The following BOC variants were observed in gnomAD, a reference collection of about 807,000 sequenced individuals.
The protein encoded by BOC is BOC cell adhesion associated, oncogene regulated.
BOC carries 76 observed loss-of-function variants against 112.0 expected under a neutral mutation model. The observed-to-expected ratio is 0.68, with a 90% CI of 0.56 to 0.82. The LOEUF is 0.82. BOC is among the 40% of genes least tolerant of loss of function. The pLI, the probability that BOC is intolerant of heterozygous loss-of-function variation, is 0.00. For synonymous variants in BOC, 580 were observed against 599.8 expected (o/e 0.97, Z 0.48); for missense variants, 1,309 against 1,511.7 (o/e 0.87, Z 2.22).
intron 2 of BOC, among the ~76,000 whole-genome samples, chr3:113,245,543 A>G (rs1244823477): frequency 1.3e-5 from 2 of 152,140 alleles, no homozygotes; most frequent in Non-Finnish European, 2.9e-5. Context: ...CAACACTTGC[A>G]CCCCAGACAC....
chr3:113,212,902 C>CT (rs1361419729), intron 1 of BOC, among the ~76,000 whole-genome samples: 1 of 152,144 alleles, frequency 6.6e-6, no homozygotes, highest in Non-Finnish European at 1.5e-5. Context: ...GTTGAAGGGC[C>CT]TGCTTGACTT....
intron 1 of BOC, among the ~76,000 whole-genome samples, chr3:113,214,035 C>G (rs886865835): frequency 6.6e-6 from 1 of 152,170 alleles, no homozygotes; most frequent in African/African-American, 2.4e-5. Context: ...AAGAGACATT[C>G]GCTAGGGAGC....
At chr3:113,221,021 G>A (rs1940527881) in intron 2 of BOC, among the ~76,000 whole-genome samples, 2 of 152,144 alleles carry the variant, frequency 1.3e-5, no homozygotes, top group African/African-American at 4.8e-5. Flanking sequence ...GTTTGAGATT[G>A]TGCAGCATCC....
intron 4 of BOC, among the ~76,000 whole-genome samples, chr3:113,263,908 T>C (rs1947168170): frequency 6.6e-6 from 1 of 152,172 alleles, no homozygotes; most frequent in Admixed American, 6.5e-5. Flanking sequence ...GCCAAAAGGG[T>C]CTGTGCCTGA....
Position 113,263,253 on chromosome 3 carries a change from C to T in BOC, c.377-5046C>T, listed in dbSNP as rs758468084. Among the ~76,000 whole-genome samples, 7 of 152,184 alleles carry T rather than the reference C, an allele frequency of 4.6e-5. No individual in the cohort carries two copies. In the East Asian group the frequency reaches 5.8e-4, roughly 13 times the overall value. ...GCCACATGAGCCCCATGCGGTGCCC[C>T]GTGACCTAATGGATCCCATCCAGAC... On this transcript the variant is annotated intron_variant, in intron 4 of 19. Coordinates refer to ENST00000682979, the MANE Select transcript of BOC (RefSeq NM_001378074.1).
At chr3:113,234,636 A>AGT (rs1943174259) in intron 2 of BOC, among the ~76,000 whole-genome samples, 1 of 152,170 alleles carries the variant, frequency 6.6e-6, no homozygotes, top group Non-Finnish European at 1.5e-5. Flanking sequence ...CCTTTTGTAC[A>AGT]GTGTGTGGCA....
In BOC at chr3:113,274,482, C is replaced by T; in HGVS notation, c.1342C>T (p.Leu448Phe). ...PEQMLRGQPA[L>F]PRPPTSVGPA... ...GCAGATGCTGAGGGGGCAACCGGCG[C>T]TCCCCAGACCCCCAACGTCAGTGGG... is the stretch of plus-strand genomic sequence containing the variant. Residue 448 changes from leucine (L) to phenylalanine (F), a missense_variant, in exon 9 of 20, where the codon CTC becomes TTC. Leu to Phe is a conservative substitution (Grantham distance 22, BLOSUM62 0). Coordinates refer to ENST00000682979, the MANE Select transcript of BOC (RefSeq NM_001378074.1). The surrounding 1 kb of genome is among the most constrained non-coding windows in gnomAD (Gnocchi z 4.8). The T allele has an allele frequency of 6.2e-7, 1 of 1,611,848 alleles. No individual in the cohort carries two copies. The highest frequency in any genetic ancestry group is 8.5e-7 in the Non-Finnish European group (1 of 1,178,590).
In BOC at chr3:113,267,247, G is replaced by A. The variant is rs866412815; in HGVS notation, c.377-1052G>A. ...ATCCTGAAAACCAGATTTCCAGCTT[G>A]GAATGCATGCAGTTTTGTTGTGCAA... On this transcript the variant is annotated intron_variant, in intron 4 of 19. Transcript: ENST00000682979. Among the ~76,000 whole-genome samples, 6 of 152,296 alleles carry A rather than the reference G, an allele frequency of 3.9e-5. No individual in the cohort carries two copies. The South Asian group carries it at 8.3e-4, about 21-fold the overall frequency.
At chr3:113,237,751 G>A (rs1943757325) in intron 2 of BOC, among the ~76,000 whole-genome samples, 1 of 151,724 alleles carries the variant, frequency 6.6e-6, no homozygotes, top group South Asian at 2.1e-4. Flanking sequence ...TTCCCCCCAG[G>A]AAAAAAAATT....
At chr3:113,249,257 G>T (rs1025577701) in intron 2 of BOC, among the ~76,000 whole-genome samples, 10 of 152,220 alleles carry the variant, frequency 6.6e-5, no homozygotes, top group African/African-American at 2.4e-4. Flanking sequence ...CACACACACG[G>T]CACTGCTGTC....
rs373185783 is a variant in BOC at position 113,280,695 on chromosome 3, C to T, written c.2311+32C>T. ...CACAGTTCTGTGTTTATAGCTTCTG[C>T]GTGATATAGTTTCCTCCGCTGGCAT... On this transcript the variant is annotated intron_variant, in intron 14 of 19. Coordinates refer to ENST00000682979, the MANE Select transcript of BOC (RefSeq NM_001378074.1). 49 of 1,513,106 alleles carry T rather than the reference C, an allele frequency of 3.2e-5. 1 individual carries two copies. Among genetic ancestry groups the T allele is most frequent in the Middle Eastern group, 1.7e-4 (1 of 5,904 alleles). The allele number at this position is 1,513,106 out of a possible 1,614,324, so 93.7% of individuals were successfully genotyped here. A position where few individuals can be genotyped will look rare whatever the true frequency, so the allele number is the denominator to read the frequency against.
At chr3:113,271,617 T>C (rs1434048261) in intron 6 of BOC, 1 of 179,738 alleles carries the variant, frequency 5.6e-6, no homozygotes, top group Non-Finnish European at 1.2e-5. Context: ...GGCCCTAACT[T>C]TGTATGTATC....
intron 2 of BOC, among the ~76,000 whole-genome samples, chr3:113,227,150 C>T (rs954791948): frequency 6.6e-6 from 1 of 152,120 alleles, no homozygotes; most frequent in Non-Finnish European, 1.5e-5. Flanking sequence ...TTATAATTCT[C>T]CCACAAGAAC....
chr3:113,258,625 TGGCAGTGAGAAG>T (rs1402320116), intron 4 of BOC, among the ~76,000 whole-genome samples: 2 of 152,188 alleles, frequency 1.3e-5, no homozygotes, highest in Admixed American at 6.5e-5. Context: ...GATGAAGGGA[TGGCAGTGAGAAG>T]GGTTGTAGGG....
At chr3:113,256,305 C>T (rs554956532) in intron 4 of BOC, among the ~76,000 whole-genome samples, 1 of 152,296 alleles carries the variant, frequency 6.6e-6, no homozygotes, top group African/African-American at 2.4e-5. Flanking sequence ...AAAGAGAGAA[C>T]TAACCCATTC....
chr3:113,225,312 G>T (rs1408075256), intron 2 of BOC, among the ~76,000 whole-genome samples: 1 of 152,002 alleles, frequency 6.6e-6, no homozygotes, highest in Non-Finnish European at 1.5e-5. Flanking sequence ...CTTCTGTTTG[G>T]AATAAATAGA....
At chr3:113,222,985 C>G (rs772520068) in intron 2 of BOC, among the ~76,000 whole-genome samples, 1 of 152,228 alleles carries the variant, frequency 6.6e-6, no homozygotes, top group Non-Finnish European at 1.5e-5. Context: ...AGCCACAGGC[C>G]GTGGAAGTAA....
At chr3:113,229,445 G>A (rs897343392) in intron 2 of BOC, among the ~76,000 whole-genome samples, 5 of 152,164 alleles carry the variant, frequency 3.3e-5, no homozygotes, top group African/African-American at 9.7e-5. Context: ...TCCTATCCCT[G>A]CCCCTAGAAG....
At chr3:113,261,328 T>G (rs888051243) in intron 4 of BOC, among the ~76,000 whole-genome samples, 4 of 152,228 alleles carry the variant, frequency 2.6e-5, no homozygotes, top group Admixed American at 2.6e-4. Context: ...TAGTTTGTAT[T>G]TGGTTGATCA....
Sources: gnomAD v4.1 joint callset for allele counts (sites outside exome capture counted in the v4.1 genomes callset) on GRCh38, gnomAD v4.1.1 for gene constraint, Gnocchi (gnomAD v3.1) non-coding constraint, MANE v1.5 for transcripts, NCBI Gene and HGNC (gene_info 2026-07-23, HGNC 2026-07-21) for gene names.